The following AGR3 variants were observed in gnomAD, a reference collection of about 807,000 sequenced individuals.
The protein encoded by AGR3 is anterior gradient 3, protein disulphide isomerase family member, also known as anterior gradient protein 3.
In AGR3, 37 loss-of-function variants were observed where a neutral mutation model predicts 24.5. The observed-to-expected ratio is 1.51, with a 90% CI of 1.16 to 1.99. AGR3 has a LOEUF of 1.99. Ranked by LOEUF, AGR3 falls within the 30% of genes most tolerant of loss-of-function variation. The pLI is 0.00. For synonymous variants in AGR3, 75 were observed against 61.6 expected, an observed-to-expected ratio of 1.22 and a Z score of -1.02; for missense variants, 228 against 191.1, an observed-to-expected ratio of 1.19 and a Z score of -1.14.
intron 3 of AGR3, among the ~76,000 whole-genome samples, chr7:16,869,996 C>T (rs1244021421): frequency 6.6e-6 from 1 of 151,740 alleles, no homozygotes; most frequent in Non-Finnish European, 1.5e-5. Context: ...TTGTGATCAT[C>T]TTAAAAAGTT....
intron 1 of AGR3, among the ~76,000 whole-genome samples, chr7:16,880,950 G>T (rs1390365624): frequency 6.6e-6 from 1 of 152,098 alleles, no homozygotes; most frequent in Non-Finnish European, 1.5e-5. Context: ...GCTACAGAAG[G>T]CTCAAAACCC....
chr7:16,873,531 A>G, intron 3 of AGR3: 1 of 377,918 alleles, frequency 2.6e-6, no homozygotes. Context: ...AGTATTCTAC[A>G]GCACTATAGG....
At chr7:16,877,672 G>A (rs1342650469) in intron 2 of AGR3, among the ~76,000 whole-genome samples, 2 of 151,856 alleles carry the variant, frequency 1.3e-5, no homozygotes, top group Non-Finnish European at 2.9e-5. Context: ...GACCATCCTG[G>A]CTAACACGGT....
chr7:16,861,943 T>C (rs758251762), intron 5 of AGR3, 41 bp downstream of exon 5: 2 of 1,461,282 alleles, frequency 1.4e-6, no homozygotes, highest in Non-Finnish European at 1.9e-6. Flanking sequence ...AAAATTTCCA[T>C]GAAATTATAG....
chr7:16,869,731 A>G (rs893542740), intron 3 of AGR3, among the ~76,000 whole-genome samples: 10 of 145,508 alleles, frequency 6.9e-5, no homozygotes, highest in African/African-American at 2.3e-4. Context: ...TAATCCATTG[A>G]GTCACTCTAT....
intron 3 of AGR3, chr7:16,873,353 C>T (rs4442021): frequency 0.93 from 143,611 of 154,444 alleles, 67,371 homozygotes; most frequent in Non-Finnish European, 1. Context: ...AAGATAAATA[C>T]CACAAATTCT....
In AGR3 at chr7:16,873,809, A is replaced by G; in HGVS notation, c.144T>C (p.Tyr48=). 1 of 1,613,240 alleles carries G rather than the reference A, an allele frequency of 6.2e-7. No homozygotes were observed. Among genetic ancestry groups the G allele is most frequent in the African/African-American group, 1.3e-5 (1 of 75,036 alleles). Residue 48 remains tyrosine (Y), a synonymous_variant, in exon 3 of 8, where the codon TAT becomes TAC. Transcript: ENST00000310398. ...WGDDITWVQT[Y]EEGLFYAQKS... The stretch of plus-strand genomic sequence containing the variant: ...TTTGAGCATAAAAGAGACCTTCTTC[A>G]TAAGTTTGTACCCAAGTGATGTCAT...
chr7:16,856,696 A>G (rs1781558686), downstream of AGR3, among the ~76,000 whole-genome samples: 1 of 152,164 alleles, frequency 6.6e-6, no homozygotes, highest in Admixed American at 6.6e-5. Context: ...ATACTATTTC[A>G]GGTAGTTGAT....
chr7:16,859,631 A>G lies in AGR3; in HGVS notation c.452T>C (p.Leu151Ser). 6.7e-7 allele frequency: 1 copy of G among 1,503,662 alleles called. No individual in the cohort carries two copies. The highest frequency in any genetic ancestry group is 1.2e-5 in the South Asian group (1 of 85,198). 93.1% of individuals were successfully genotyped at this position (1,503,662 alleles called of 1,614,324 possible). ...TAATGCTTTCTTCATGTTTTCTATC[A>G]CTGAAATAAGAGTTAATATATATTA... ...YTYEPRDLPL[L>S]IENMKKALRL... Residue 151 changes from leucine (L) to serine (S), a missense_variant and splice_region_variant, in exon 8 of 8, where the codon TTG becomes TCG. By Grantham distance (145) the Leu-to-Ser change is moderately radical. Coordinates refer to ENST00000310398, the MANE Select transcript of AGR3 (RefSeq NM_176813.5).
chr7:16,857,768 T>A (rs1287736884), downstream of AGR3, among the ~76,000 whole-genome samples: 1 of 152,186 alleles, frequency 6.6e-6, no homozygotes, highest in East Asian at 1.9e-4. Context: ...ATCAATTTAC[T>A]ACAAGCTTGC....
intron 2 of AGR3, among the ~76,000 whole-genome samples, chr7:16,875,545 T>G (rs1003540164): frequency 6.6e-6 from 1 of 152,188 alleles, no homozygotes; most frequent in Non-Finnish European, 1.5e-5. Flanking sequence ...CTTTTTGTCT[T>G]TTATGAATAA....
In AGR3 at chr7:16,862,557, T is replaced by C; in HGVS notation, c.226+53A>G. 7 of 1,202,948 alleles carry C rather than the reference T, an allele frequency of 5.8e-6. No homozygotes were observed. The South Asian group carries it at 6.5e-5, about 11-fold the overall frequency. The allele number at this position is 1,202,948 out of a possible 1,614,324, so 74.5% of individuals were successfully genotyped here. On this transcript the variant is annotated intron_variant, in intron 4 of 7. Transcript: ENST00000310398. ...TATTATTACCAGGTCACTTTTCCTA[T>C]TTTATATTGGAAATATTATATATTA...
chr7:16,861,338 T>C, intron 6 of AGR3, 46 bp downstream of exon 6: 3 of 1,406,542 alleles, frequency 2.1e-6, no homozygotes, highest in Non-Finnish European at 2.9e-6. Context: ...AGAATGCTGA[T>C]TTCTACTAAT....
At chr7:16,864,142 G>C in intron 3 of AGR3, 1 of 556,324 alleles carries the variant, frequency 1.8e-6, no homozygotes, top group African/African-American at 1.9e-5. Flanking sequence ...AAAGACTACA[G>C]GAACGGAGAA....
intron 3 of AGR3, chr7:16,865,606 CCCTATAAA>C (rs1781743425): frequency 1.4e-6 from 1 of 732,722 alleles, no homozygotes; most frequent in Admixed American, 1.8e-5. Context: ...GTATGAGAAT[CCCTATAAA>C]CTGGTTAGGT....
downstream of AGR3, among the ~76,000 whole-genome samples, chr7:16,857,991 C>CTT (rs58150058): frequency 0.11 from 15,238 of 144,002 alleles, 2,605 homozygotes; most frequent in African/African-American, 0.36. Context: ...AAAACATTTT[C>CTT]TTTTTTTTTT....
At chr7:16,878,772 T>A in intron 1 of AGR3, 127 bp from the exon 2 acceptor site, 1 of 616,428 alleles carries the variant, frequency 1.6e-6, no homozygotes, top group Non-Finnish European at 2.8e-6. Flanking sequence ...TGACATGGTA[T>A]AACCAACCAC....
At chr7:16,881,098 A>G (rs1192978273) in intron 1 of AGR3, among the ~76,000 whole-genome samples, 1 of 152,222 alleles carries the variant, frequency 6.6e-6, no homozygotes, top group African/African-American at 2.4e-5. Context: ...GAATCTTTAG[A>G]AAGATTTTTC....
chr7:16,878,246 C>G (rs1782029131), intron 2 of AGR3, among the ~76,000 whole-genome samples: 1 of 151,960 alleles, frequency 6.6e-6, no homozygotes, highest in Admixed American at 6.6e-5. Context: ...CTCTGGTTAC[C>G]AAAGTTATAG....
Sources: gnomAD v4.1 joint callset for allele counts (sites outside exome capture counted in the v4.1 genomes callset) on GRCh38, gnomAD v4.1.1 for gene constraint, MANE v1.5 for transcripts, NCBI Gene and HGNC (gene_info 2026-07-23, HGNC 2026-07-21) for gene names.